PSMC1: variants seen among roughly 807,000 people sequenced by gnomAD.
The protein encoded by PSMC1 is 26S proteasome regulatory subunit 4.
PSMC1 carries 5 observed loss-of-function variants against 49.8 expected under a neutral mutation model. The observed-to-expected ratio is 0.10, with a 90% CI of 0.05 to 0.21. The LOEUF is 0.21. Among genes scored for constraint, PSMC1 ranks in the 10% least tolerant of loss-of-function variants. The pLI is 1.00. For synonymous variants in PSMC1, 155 were observed against 192.1 expected, an observed-to-expected ratio of 0.81 and a Z score of 1.60; for missense variants, 181 against 535.7, an observed-to-expected ratio of 0.34 and a Z score of 6.54.
chr14:90,271,491 T>C (rs2139653138), intron 10 of PSMC1: 1 of 152,352 alleles, frequency 6.6e-6, no homozygotes, highest in South Asian at 2.1e-4. Context: ...TATATTGGAA[T>C]AAATGCTATA....
Position 90,273,994 on chromosome 14 carries a change from T to TATC in PSMC1, c.*1588_*1590dup, listed in dbSNP as rs1391676510. The TATC allele has an allele frequency of 1.2e-4, 19 of 154,878 alleles. 1 individual carries two copies. In the Middle Eastern group the frequency reaches 7.7e-3, roughly 63 times the overall value. 9.6% of individuals were successfully genotyped at this position (154,878 alleles called of 1,614,324 possible). A position where few individuals can be genotyped will look rare whatever the true frequency, so the allele number is the denominator to read the frequency against. On this transcript the variant is annotated 3_prime_UTR_variant, in exon 11 of 11. Coordinates refer to ENST00000261303, the MANE Select transcript of PSMC1 (RefSeq NM_002802.3). ...TAAAGTTTACAATCTTCTTAATTTT[T>TATC]ATCTGCAAAGTTCCTTTTGCCATGT...
intron 1 of PSMC1, among the ~76,000 whole-genome samples, chr14:90,258,849 G>A (rs950144146): frequency 6.6e-6 from 1 of 152,164 alleles, no homozygotes; most frequent in Admixed American, 6.5e-5. Context: ...CCCCTCAAGA[G>A]GGGGGTGATC....
In PSMC1 at chr14:90,273,898, C is replaced by CTTT. The variant is rs1891731440; in HGVS notation, c.*1493_*1495dup. The CTTT allele has an allele frequency of 6.5e-6, 1 of 154,942 alleles. No homozygotes were observed. The highest frequency in any genetic ancestry group is 1.5e-5 in the Non-Finnish European group (1 of 68,326). 9.6% of individuals were successfully genotyped at this position (154,942 alleles called of 1,614,324 possible). A position where few individuals can be genotyped will look rare whatever the true frequency, so the allele number is the denominator to read the frequency against. ...CCCACCGACCCTTCTTTCTGCCTGCCTTTTCTATTCTTATGGATCCTTGTG... is the reference window on the plus strand; with the variant it reads ...CCCACCGACCCTTCTTTCTGCCTGCCTTTTTTTCTATTCTTATGGATCCTTGTG... On this transcript the variant is annotated 3_prime_UTR_variant, in exon 11 of 11. Transcript: ENST00000261303.
intron 6 of PSMC1, among the ~76,000 whole-genome samples, chr14:90,264,628 T>C (rs1046230924): frequency 2.0e-5 from 3 of 152,170 alleles, no homozygotes; most frequent in African/African-American, 7.2e-5. Context: ...CTCTGCATGA[T>C]CTTTCATAGG....
intron 3 of PSMC1, 27 bp downstream of exon 3, chr14:90,260,238 C>A: frequency 6.7e-7 from 1 of 1,499,540 alleles, no homozygotes; most frequent in East Asian, 2.3e-5. Flanking sequence ...TCCTTGCCAT[C>A]TTTCCAGTTC....
Position 90,275,027 on chromosome 14 carries a change from C to T in PSMC1, c.*2620C>T, listed in dbSNP as rs1340167934. The T allele has an allele frequency of 6.6e-6, 1 of 152,180 alleles. No individual in the cohort carries two copies. The highest frequency in any genetic ancestry group is 2.4e-5 in the African/African-American group (1 of 41,432). The allele number at this position is 152,180 out of a possible 1,614,324, so 9.4% of individuals were successfully genotyped here. ...GGGCACTTTGAAAGTACGTGCCACC[C>T]AAGAGTGTCAGTGCTGTCACACTCC... is the stretch of plus-strand genomic sequence containing the variant. On this transcript the variant is annotated 3_prime_UTR_variant, in exon 11 of 11. Transcript: ENST00000261303.
chr14:90,256,576 C>T lies in PSMC1; in HGVS notation c.-22C>T, dbSNP rs1244918013. 6.3e-7 allele frequency: 1 copy of T among 1,585,364 alleles called. No homozygotes were observed. The highest frequency in any genetic ancestry group is 2.3e-5 in the East Asian group (1 of 43,696). On this transcript the variant is annotated 5_prime_UTR_variant, in exon 1 of 11. Transcript: ENST00000261303. ...GTGGTGGAGGAACTTCCGGCAGCGG[C>T]AGCTCAAGTGGCCAAGGCAAGATGG...
chr14:90,271,488 G>A (rs2139653132), intron 10 of PSMC1: 1 of 152,058 alleles, frequency 6.6e-6, no homozygotes, highest in African/African-American at 2.4e-5. Context: ...AAATATATTG[G>A]AATAAATGCT....
intron 9 of PSMC1, 170 bp downstream of exon 9, chr14:90,269,718 T>G (rs1252909985): frequency 1.6e-6 from 1 of 633,002 alleles, no homozygotes; most frequent in Non-Finnish European, 2.6e-6. Context: ...AAACAGAGCA[T>G]GATATGGTCT....
Position 90,272,239 on chromosome 14 carries a change from T to C in PSMC1, c.1189-34T>C, listed in dbSNP as rs1171186728. ...TTCCTTGTTAGAATAAAAATGAGTA[T>C]GTCACTTTCTGAACACACTCTTCTT... is the stretch of plus-strand genomic sequence containing the variant. On this transcript the variant is annotated intron_variant, in intron 10 of 10. Coordinates refer to ENST00000261303, the MANE Select transcript of PSMC1 (RefSeq NM_002802.3). The surrounding 1 kb of genome is among the most constrained non-coding windows in gnomAD (Gnocchi z 4.5). 4 of 1,597,606 alleles carry C rather than the reference T, an allele frequency of 2.5e-6. No individual in the cohort carries two copies. Among genetic ancestry groups the C allele is most frequent in the African/African-American group, 1.4e-5 (1 of 73,730 alleles).
Position 90,272,214 on chromosome 14 carries a change from T to C in PSMC1, c.1189-59T>C, listed in dbSNP as rs117846081. ...TGGCCTCAGAATAGGTTTTTTGGAA[T>C]TCCTTGTTAGAATAAAAATGAGTAT... is the stretch of plus-strand genomic sequence containing the variant. On this transcript the variant is annotated intron_variant, in intron 10 of 10. Transcript: ENST00000261303. The surrounding 1 kb of genome is among the most constrained non-coding windows in gnomAD (Gnocchi z 4.5). 5.5e-4 allele frequency: 871 copies of C among 1,585,536 alleles called. 20 individuals carry two copies. In the East Asian group the frequency reaches 0.019, roughly 35 times the overall value.
chr14:90,273,866 C>T lies in PSMC1; in HGVS notation c.*1459C>T, dbSNP rs1009026574. 1.3e-5 allele frequency: 2 copies of T among 154,964 alleles called. No individual in the cohort carries two copies. The highest frequency in any genetic ancestry group is 2.9e-5 in the Non-Finnish European group (2 of 68,384). 9.6% of individuals were successfully genotyped at this position (154,964 alleles called of 1,614,324 possible). On this transcript the variant is annotated 3_prime_UTR_variant, in exon 11 of 11. Coordinates refer to ENST00000261303, the MANE Select transcript of PSMC1 (RefSeq NM_002802.3). ...TCCACCAGCAGCAGCAGGCCCAGTC[C>T]CTCTCTCCCACCGACCCTTCTTTCT...
intron 9 of PSMC1, chr14:90,269,959 CTTTCA>C (rs1891619524): frequency 2.1e-6 from 1 of 486,826 alleles, no homozygotes; most frequent in Non-Finnish European, 3.6e-6. Context: ...GGAATTGCTC[CTTTCA>C]TTTATTTCTG....
At position 90,272,152 on chromosome 14, in the gene PSMC1, C is replaced by T. The variant is rs1365983939; in HGVS notation, c.1189-121C>T. 1 of 1,128,874 alleles carries T rather than the reference C, an allele frequency of 8.9e-7. No individual in the cohort carries two copies. The highest frequency in any genetic ancestry group is 1.2e-6 in the Non-Finnish European group (1 of 800,462). 69.9% of individuals were successfully genotyped at this position (1,128,874 alleles called of 1,614,324 possible). A position where few individuals can be genotyped will look rare whatever the true frequency, so the allele number is the denominator to read the frequency against. ...TAGGCGATCCACCTGCCTCGGCCTCCCAGAGTGCTGGGATTACAGGTGTGA... is the reference window on the plus strand; with the variant it reads ...TAGGCGATCCACCTGCCTCGGCCTCTCAGAGTGCTGGGATTACAGGTGTGA... On this transcript the variant is annotated intron_variant, in intron 10 of 10. Coordinates refer to ENST00000261303, the MANE Select transcript of PSMC1 (RefSeq NM_002802.3). The surrounding 1 kb of genome is among the most constrained non-coding windows in gnomAD (Gnocchi z 4.5).
intron 9 of PSMC1, 46 bp downstream of exon 9, chr14:90,269,594 ATTTGTG>A (rs1891608141): frequency 6.3e-7 from 1 of 1,588,470 alleles, no homozygotes; most frequent in African/African-American, 1.3e-5. Flanking sequence ...GTGTTTATAT[ATTTGTG>A]TTTAAGTGTG....
intron 1 of PSMC1, among the ~76,000 whole-genome samples, chr14:90,256,883 C>T (rs1891304968): frequency 6.6e-6 from 1 of 152,172 alleles, no homozygotes. Flanking sequence ...GATCAGGCCG[C>T]TGGCTTTGCT....
rs1282246633 is a variant in PSMC1 at position 90,274,994 on chromosome 14, T to A, written c.*2587T>A. ...TCACCAAGTGGTCAAATGCACATCATCAGTAATGGGCACTTTGAAAGTACG... is the reference window on the plus strand; with the variant it reads ...TCACCAAGTGGTCAAATGCACATCAACAGTAATGGGCACTTTGAAAGTACG... On this transcript the variant is annotated 3_prime_UTR_variant, in exon 11 of 11. Transcript: ENST00000261303. 3 of 152,292 alleles carry A rather than the reference T, an allele frequency of 2.0e-5. No homozygotes were observed. The highest frequency in any genetic ancestry group is 2.9e-5 in the Non-Finnish European group (2 of 68,046). The allele number at this position is 152,292 out of a possible 1,614,324, so 9.4% of individuals were successfully genotyped here.
Position 90,263,677 on chromosome 14 carries a change from G to A in PSMC1, c.295G>A (p.Val99Met). ...EEKQEEERSK[V>M]DDLRGTPMSV... ...TCATATGTAGGAGGAAAGATCAAAA[G>A]TGGATGATCTGAGGGGGACCCCGAT... The change falls in exon 5 of 11, where the codon GTG becomes ATG. Residue 99 changes from valine (V) to methionine (M), a missense_variant. Physicochemically the swap from Val to Met is conservative, Grantham distance 21. Coordinates refer to ENST00000261303, the MANE Select transcript of PSMC1 (RefSeq NM_002802.3). The A allele has an allele frequency of 6.2e-7, 1 of 1,613,304 alleles. No individual in the cohort carries two copies. Among genetic ancestry groups the A allele is most frequent in the Non-Finnish European group, 8.5e-7 (1 of 1,179,578 alleles).
At chr14:90,257,263 A>G (rs1431933046) in intron 1 of PSMC1, among the ~76,000 whole-genome samples, 2 of 152,182 alleles carry the variant, frequency 1.3e-5, no homozygotes, top group African/African-American at 2.4e-5. Flanking sequence ...CTGAGGATTG[A>G]TTGAAGTCCC....
Sources: allele counts gnomAD v4.1 joint callset (sites outside exome capture counted in the v4.1 genomes callset), GRCh38; gene constraint gnomAD v4.1.1; non-coding constraint Gnocchi (gnomAD v3.1); transcripts MANE v1.5; gene names NCBI Gene and HGNC (gene_info 2026-07-23, HGNC 2026-07-21).